The following GOLGA3 variants were observed in gnomAD, a reference collection of about 807,000 sequenced individuals.
GOLGA3 encodes the protein golgin subfamily A member 3.
A neutral mutation model predicts 169.4 loss-of-function variants in GOLGA3; 75 were observed. The observed-to-expected ratio is 0.44, with a 90% confidence interval of 0.37 to 0.54. The LOEUF is 0.54. Ranked by LOEUF, GOLGA3 falls within the 20% of genes least tolerant of loss-of-function variation. GOLGA3 has a pLI of 0.00. For missense variants in GOLGA3, 1,899 were observed against 1,930.0 expected (o/e 0.98, Z 0.30); for synonymous variants, 824 against 822.4 (o/e 1.00, Z -0.03).
At position 132,789,018 on chromosome 12, in the gene GOLGA3, C is replaced by T. The variant is rs781279732; in HGVS notation, c.2811+9G>A. 3.2e-5 allele frequency: 48 copies of T among 1,497,866 alleles called. No individual in the cohort carries two copies. Among genetic ancestry groups the T allele is most frequent in the South Asian group, 5.0e-5 (4 of 80,206 alleles). 92.8% of individuals were successfully genotyped at this position (1,497,866 alleles called of 1,614,324 possible). ...CCCCATCAAATGAGTCAACCCGACACGGACAGACCTGCAAGTGTGTTTCCA... is the reference window on the plus strand; with the variant it reads ...CCCCATCAAATGAGTCAACCCGACATGGACAGACCTGCAAGTGTGTTTCCA... On this transcript the variant is annotated intron_variant, in intron 13 of 23. Coordinates refer to ENST00000450791, the MANE Select transcript of GOLGA3 (RefSeq NM_001389683.1).
rs772130814 is a variant in GOLGA3 at position 132,822,010 on chromosome 12, T to A, written c.119A>T (p.Gln40Leu). The change falls in exon 2 of 24, where the codon CAG becomes CTG. Residue 40 changes from glutamine to leucine, a missense_variant. By Grantham distance (113) the Gln-to-Leu change is moderately radical. Coordinates refer to ENST00000450791, the MANE Select transcript of GOLGA3 (RefSeq NM_001389683.1). ...PPGPLVPPDQ[Q>L]DKVQCAEVNR... ...TCACGACTTACACTGGACTTTGTCCTGCTGGTCAGGTGGCACCAGTGGGCC... is the reference window on the plus strand; with the variant it reads ...TCACGACTTACACTGGACTTTGTCCAGCTGGTCAGGTGGCACCAGTGGGCC... 4 of 1,607,692 alleles carry A rather than the reference T, an allele frequency of 2.5e-6. No individual in the cohort carries two copies. The Admixed American group carries it at 6.8e-5, about 27-fold the overall frequency.
In GOLGA3 at chr12:132,798,360, C is replaced by T; in HGVS notation, c.1918G>A (p.Ala640Thr). 1 of 1,612,518 alleles carries T rather than the reference C, an allele frequency of 6.2e-7. No individual in the cohort carries two copies. Among genetic ancestry groups the T allele is most frequent in the African/African-American group, 1.3e-5 (1 of 74,962 alleles). ...CTCACCTCAATGCCCTGCAGCTGTG[C>T]CGCGATGCGCCCCTTCTCCTTCATG... The part of the protein sequence containing the change: ...RSMKEKGRIA[A>T]QLQGIEADML... Residue 640 changes from alanine to threonine, a missense_variant, in exon 9 of 24, where the codon GCA becomes ACA. Ala to Thr is a moderately conservative substitution (Grantham distance 58). Transcript: ENST00000450791.
Position 132,773,322 on chromosome 12 carries a change from C to T in GOLGA3, c.4308-28G>A, listed in dbSNP as rs773066814. 5 of 1,335,502 alleles carry T rather than the reference C, an allele frequency of 3.7e-6. No homozygotes were observed. The East Asian group carries it at 1.4e-4, about 37-fold the overall frequency. 82.7% of individuals were successfully genotyped at this position (1,335,502 alleles called of 1,614,324 possible). Reference sequence around the variant, plus strand: ...GGGACAGAAGAAGGAGGAAGAAGGCCCAGATCACACAAGTGCCAGGCAGAA... The same window carrying T: ...GGGACAGAAGAAGGAGGAAGAAGGCTCAGATCACACAAGTGCCAGGCAGAA... On this transcript the variant is annotated intron_variant, in intron 23 of 23. Transcript: ENST00000450791.
chr12:132,817,181 C>T (rs1250566969), intron 2 of GOLGA3, among the ~76,000 whole-genome samples: 8 of 142,526 alleles, frequency 5.6e-5, no homozygotes, highest in African/African-American at 1.6e-4. Flanking sequence ...AAGGTGAACC[C>T]GCCCTCCACA....
chr12:132,781,213 G>C (rs1006273488), intron 17 of GOLGA3, among the ~76,000 whole-genome samples: 19 of 71,522 alleles, frequency 2.7e-4, no homozygotes, highest in Admixed American at 5.4e-4. Flanking sequence ...TACCACCGCA[G>C]TGCCCTCCAC....
rs531178537 is a variant in GOLGA3 at position 132,804,254 on chromosome 12, T to C, written c.1597+462A>G. ...GGAATCTGCAATTCTGTGGAATAAG[T>C]GGGCAGCTCTATACTCCCAAATAAC... On this transcript the variant is annotated intron_variant, in intron 7 of 23. Transcript: ENST00000450791. This position sits in a 1 kb window ranked among gnomAD's most constrained non-coding sequence, Gnocchi z 4.1. Among the ~76,000 whole-genome samples the C allele has an allele frequency of 6.6e-6, 1 of 152,180 alleles. No individual in the cohort carries two copies. Among genetic ancestry groups the C allele is most frequent in the East Asian group, 1.9e-4 (1 of 5,198 alleles).
chr12:132,826,663 G>A (rs76280452), intron 1 of GOLGA3, among the ~76,000 whole-genome samples: 273 of 152,222 alleles, frequency 1.8e-3, no homozygotes, highest in African/African-American at 6.3e-3. Context: ...TCCTGAAGCC[G>A]GACCAGAGAG....
intron 1 of GOLGA3, among the ~76,000 whole-genome samples, chr12:132,823,556 C>A (rs1215096403): frequency 6.6e-6 from 1 of 152,178 alleles, no homozygotes; most frequent in African/African-American, 2.4e-5. Flanking sequence ...GAGGCCAAGG[C>A]GGGCGGATCA....
At position 132,774,739 on chromosome 12, in the gene GOLGA3, G is replaced by A. The variant is rs941752643; in HGVS notation, c.4143+402C>T. 5.5e-5 allele frequency: 23 copies of A among 416,872 alleles called. No individual in the cohort carries two copies. The Admixed American group carries it at 6.9e-4, about 13-fold the overall frequency. 25.8% of individuals were successfully genotyped at this position (416,872 alleles called of 1,614,324 possible). A position where few individuals can be genotyped will look rare whatever the true frequency, so the allele number is the denominator to read the frequency against. ...CACAGATAAGCACACGACGCTAAAC[G>A]GCCTCTCAATCCGAGCGCTGCCCTC... On this transcript the variant is annotated intron_variant, in intron 22 of 23. Coordinates refer to ENST00000450791, the MANE Select transcript of GOLGA3 (RefSeq NM_001389683.1).
chr12:132,824,664 G>A lies in GOLGA3; in HGVS notation c.-183-2353C>T, dbSNP rs374285672. 1.2e-4 allele frequency among the ~76,000 whole-genome samples: 18 copies of A among 152,252 alleles called. No homozygotes were observed. In the East Asian group the frequency reaches 1.5e-3, roughly 13 times the overall value. The stretch of plus-strand genomic sequence containing the variant: ...GTCAAAAGCTAATCCTGTGTGCAAC[G>A]AATTCTCAATCTCATGTTTGCGTCT... On this transcript the variant is annotated intron_variant, in intron 1 of 23. Transcript: ENST00000450791.
chr12:132,820,840 C>T (rs185112905), intron 2 of GOLGA3, among the ~76,000 whole-genome samples: 1 of 152,262 alleles, frequency 6.6e-6, no homozygotes, highest in African/African-American at 2.4e-5. Context: ...TGGCTCACTC[C>T]TGTAATCCCA....
chr12:132,774,273 G>A lies in GOLGA3; in HGVS notation c.4191C>T (p.Pro1397=). The part of the protein sequence containing the change: ...GEASSSNPAT[P]IKIPDCPVPA... ...GAACTGGGCAGTCCGGGATCTTGATGGGCGTGGCAGGGTTGGAAGAGCTGG... is the reference window on the plus strand; with the variant it reads ...GAACTGGGCAGTCCGGGATCTTGATAGGCGTGGCAGGGTTGGAAGAGCTGG... Residue 1397 remains proline, a synonymous_variant, in exon 23 of 24, where the codon CCC becomes CCT. Coordinates refer to ENST00000450791, the MANE Select transcript of GOLGA3 (RefSeq NM_001389683.1). The A allele has an allele frequency of 2.5e-6, 4 of 1,612,824 alleles. No individual in the cohort carries two copies. The highest frequency in any genetic ancestry group is 1.6e-4 in the Middle Eastern group (1 of 6,062).
chr12:132,794,001 A>G (rs1201484571), intron 11 of GOLGA3, among the ~76,000 whole-genome samples: 1 of 152,126 alleles, frequency 6.6e-6, no homozygotes, highest in Non-Finnish European at 1.5e-5. Context: ...TCCCTACAAT[A>G]TGGAGGGCGG....
In GOLGA3 at chr12:132,772,883, A is replaced by G. The variant is rs1183629998; in HGVS notation, c.*222T>C. On this transcript the variant is annotated 3_prime_UTR_variant, in exon 24 of 24. Transcript: ENST00000450791. ...GTTCAAAGCTCCTCGCCGAGAGCCTATCAGGCTTTTAAGAGTTGGTCATTC... is the reference window on the plus strand; with the variant it reads ...GTTCAAAGCTCCTCGCCGAGAGCCTGTCAGGCTTTTAAGAGTTGGTCATTC... The G allele has an allele frequency of 2.1e-6, 1 of 480,896 alleles. No individual in the cohort carries two copies. Among genetic ancestry groups the G allele is most frequent in the East Asian group, 3.6e-5 (1 of 27,826 alleles). The allele number at this position is 480,896 out of a possible 1,614,324, so 29.8% of individuals were successfully genotyped here. A position where few individuals can be genotyped will look rare whatever the true frequency, so the allele number is the denominator to read the frequency against.
At chr12:132,826,841 C>T (rs572738779) in intron 1 of GOLGA3, among the ~76,000 whole-genome samples, 30 of 149,380 alleles carry the variant, frequency 2.0e-4, no homozygotes, top group African/African-American at 6.8e-4. Flanking sequence ...AAGCGATCTC[C>T]GGGCAGCGAG....
Position 132,816,491 on chromosome 12 carries a change from G to A in GOLGA3, c.406+49C>T, listed in dbSNP as rs377255073. On this transcript the variant is annotated intron_variant, in intron 3 of 23. Transcript: ENST00000450791. Reference sequence around the variant, plus strand: ...GCAGGGCACCTGCTCCCAAGGGGCTGAGCGACGCGGACGTGGAGGGTGGGA... The same window carrying A: ...GCAGGGCACCTGCTCCCAAGGGGCTAAGCGACGCGGACGTGGAGGGTGGGA... The A allele has an allele frequency of 3.2e-5, 50 of 1,582,526 alleles. No individual in the cohort carries two copies. In the African/African-American group the frequency reaches 6.0e-4, roughly 19 times the overall value.
intron 8 of GOLGA3, 54 bp from the exon 9 acceptor site, chr12:132,798,531 C>A (rs1179482831): frequency 1.3e-6 from 2 of 1,544,350 alleles, no homozygotes; most frequent in Non-Finnish European, 1.7e-6. Context: ...GCAAGAAATG[C>A]AGACCAGCCT....
Position 132,796,128 on chromosome 12 carries a change from C to A in GOLGA3, c.2193G>T (p.Glu731Asp). 1 of 1,612,000 alleles carries A rather than the reference C, an allele frequency of 6.2e-7. No homozygotes were observed. Among genetic ancestry groups the A allele is most frequent in the Non-Finnish European group, 8.5e-7 (1 of 1,179,052 alleles). The change falls in exon 11 of 24, where the codon GAG (glutamate) becomes GAT (aspartate). Residue 731 changes from glutamate to aspartate, a missense_variant. Physicochemically the swap from Glu to Asp is conservative, Grantham distance 45. Coordinates refer to ENST00000450791, the MANE Select transcript of GOLGA3 (RefSeq NM_001389683.1). The stretch of plus-strand genomic sequence containing the variant: ...GGGACTGCTCCCTGCTCTGCAGAGC[C>A]TCCTGAGTCAAGGTGAGCTGTTTCA... ...DLMKQLTLTQEALQSREQSLD... is the reference protein window; with the variant it reads ...DLMKQLTLTQDALQSREQSLD...
chr12:132,788,960 C>T, intron 13 of GOLGA3, 67 bp downstream of exon 13: 1 of 1,456,372 alleles, frequency 6.9e-7, no homozygotes, highest in South Asian at 1.3e-5. Context: ...GACACAGGCC[C>T]CACCCTCCCG....
Sources: allele counts gnomAD v4.1 joint callset (sites outside exome capture counted in the v4.1 genomes callset), GRCh38; gene constraint gnomAD v4.1.1; non-coding constraint Gnocchi (gnomAD v3.1); transcripts MANE v1.5; gene names NCBI Gene and HGNC (gene_info 2026-07-23, HGNC 2026-07-21).